Variants in ASTN2 observed in about 807,000 individuals in gnomAD.
The protein encoded by ASTN2 is astrotactin 2, also known as astrotactin-2.
A neutral mutation model predicts 139.8 loss-of-function variants in ASTN2; 54 were observed. That is an observed-to-expected ratio of 0.39 (90% CI 0.31 to 0.48). ASTN2 has a LOEUF of 0.48. ASTN2 is among the 20% of genes least tolerant of loss of function. The pLI, the probability that ASTN2 is intolerant of heterozygous loss-of-function variation, is 0.95. For synonymous variants in ASTN2, 756 were observed against 719.5 expected (o/e 1.05, Z -0.81); for missense variants, 1,565 against 1,725.1 (o/e 0.91, Z 1.64).
intron 17 of ASTN2, among the ~76,000 whole-genome samples, chr9:116,621,786 C>A (rs1856170201): frequency 6.6e-6 from 1 of 152,168 alleles, no homozygotes; most frequent in Admixed American, 6.5e-5. Context: ...TAATAGTTGG[C>A]AGTAAAGAGA....
Position 116,745,513 on chromosome 9 carries a change from C to G in ASTN2, c.2397-11990G>C, listed in dbSNP as rs543027223. ...TTGACTTTGGCTCTGATCTCAAGATCACCAACTCTGCTAGGTATGATTGTT... is the reference window on the plus strand; with the variant it reads ...TTGACTTTGGCTCTGATCTCAAGATGACCAACTCTGCTAGGTATGATTGTT... On this transcript the variant is annotated intron_variant, in intron 13 of 22. Transcript: ENST00000313400. Among the ~76,000 whole-genome samples the G allele has an allele frequency of 5.3e-5, 8 of 152,296 alleles. No individual in the cohort carries two copies. The South Asian group carries it at 1.7e-3, about 32-fold the overall frequency.
intron 13 of ASTN2, among the ~76,000 whole-genome samples, chr9:116,770,349 A>G (rs1039405577): frequency 4.6e-5 from 7 of 152,276 alleles, no homozygotes; most frequent in South Asian, 4.1e-4. Context: ...TTCCTCACCT[A>G]CATCTTCTAC....
In ASTN2 at chr9:116,651,747, G is replaced by A. The variant is rs1236963426; in HGVS notation, c.2853C>T (p.Phe951=). 3.7e-6 allele frequency: 6 copies of A among 1,614,176 alleles called. No individual in the cohort carries two copies. Among genetic ancestry groups the A allele is most frequent in the East Asian group, 2.2e-5 (1 of 44,870 alleles). Residue 951 remains phenylalanine, a synonymous_variant, in exon 17 of 23, where the codon TTC becomes TTT. Coordinates refer to ENST00000313400, the MANE Select transcript of ASTN2 (RefSeq NM_001365068.1). ...GSKKELKSMP[F]ITYLSGLLTA... ...TCAGCAAACCTGAGAGGTAGGTGAT[G>A]AAGGGCATGGACTTGAGCTCCTTCT...
At chr9:116,614,573 T>A (rs1387210492) in intron 19 of ASTN2, among the ~76,000 whole-genome samples, 1 of 152,004 alleles carries the variant, frequency 6.6e-6, no homozygotes, top group Non-Finnish European at 1.5e-5. Flanking sequence ...ATACCACACA[T>A]CTATAACCAT....
chr9:117,278,223 C>T (rs1834241322), intron 2 of ASTN2, among the ~76,000 whole-genome samples: 1 of 152,188 alleles, frequency 6.6e-6, no homozygotes. Flanking sequence ...TTGAGGAGAA[C>T]GTTCCAATTT....
intron 16 of ASTN2, among the ~76,000 whole-genome samples, chr9:116,683,381 T>C (rs1860007150): frequency 1.3e-5 from 2 of 152,186 alleles, no homozygotes; most frequent in African/African-American, 2.4e-5. Flanking sequence ...TTATAATTGT[T>C]ATATAAAAGT....
rs555838627 is a variant in ASTN2 at position 116,666,608 on chromosome 9, T to C, written c.2807-14815A>G. 8.7e-4 allele frequency among the ~76,000 whole-genome samples: 133 copies of C among 152,210 alleles called. 1 individual carries two copies. Among genetic ancestry groups the C allele is most frequent in the Non-Finnish European group, 1.5e-3 (100 of 68,034 alleles). On this transcript the variant is annotated intron_variant, in intron 16 of 22. Transcript: ENST00000313400. ...TACTTTTAAAATATTTTGATAGTTA[T>C]ATATTGACATAATTTCTTTCTTTTA...
intron 10 of ASTN2, among the ~76,000 whole-genome samples, chr9:116,953,285 G>A (rs908162629): frequency 1.2e-4 from 19 of 152,236 alleles, no homozygotes; most frequent in African/African-American, 3.1e-4. Context: ...CACAAAGAGA[G>A]GTTGTGTTAT....
chr9:117,376,108 T>C (rs1031533460), intron 1 of ASTN2, among the ~76,000 whole-genome samples: 7 of 152,088 alleles, frequency 4.6e-5, no homozygotes, highest in African/African-American at 1.4e-4. Flanking sequence ...CCATATGGCA[T>C]AGAATATTCA....
At chr9:117,177,030 G>A (rs1278858544) in intron 3 of ASTN2, among the ~76,000 whole-genome samples, 2 of 152,158 alleles carry the variant, frequency 1.3e-5, no homozygotes, top group Admixed American at 1.3e-4. Context: ...TGGAAAACTT[G>A]TTATAGTATT....
intron 1 of ASTN2, among the ~76,000 whole-genome samples, chr9:117,395,164 C>T (rs974694808): frequency 2.0e-5 from 3 of 152,144 alleles, no homozygotes; most frequent in African/African-American, 7.2e-5. Flanking sequence ...GAGGCAGAAT[C>T]ATCCAAGAAA....
chr9:117,188,170 GAGAGAGAGAGAGAGAGAGAGAGAC>G (rs1374752994), intron 3 of ASTN2, among the ~76,000 whole-genome samples: 10 of 123,774 alleles, frequency 8.1e-5, no homozygotes, highest in Admixed American at 6.7e-4. Context: ...GTGTGATAGA[GAGAGAGAGAGAGAGAGAGAGAGAC>G]AGAGAGAGAG....
chr9:116,697,905 A>G (rs758299221), intron 16 of ASTN2: 4 of 1,614,228 alleles, frequency 2.5e-6, no homozygotes, highest in Non-Finnish European at 3.4e-6. Context: ...ATTGGCCAGT[A>G]GCATCAATGG....
At chr9:117,312,624 G>T (rs767924472) in intron 1 of ASTN2, among the ~76,000 whole-genome samples, 1 of 152,124 alleles carries the variant, frequency 6.6e-6, no homozygotes, top group Non-Finnish European at 1.5e-5. Flanking sequence ...AAATGATAAG[G>T]ATGGCCCTGA....
intron 13 of ASTN2, among the ~76,000 whole-genome samples, chr9:116,738,548 G>T (rs957895267): frequency 2.0e-5 from 3 of 151,668 alleles, no homozygotes. Context: ...TAAAATCTCA[G>T]CAATCACCAC....
At chr9:116,607,240 A>G (rs958154014) in intron 19 of ASTN2, among the ~76,000 whole-genome samples, 4 of 152,226 alleles carry the variant, frequency 2.6e-5, no homozygotes, top group African/African-American at 9.6e-5. Flanking sequence ...TATGCAATTC[A>G]GTTCAGTGAA....
intron 11 of ASTN2, among the ~76,000 whole-genome samples, chr9:116,848,512 A>C (rs531520164): frequency 1.3e-5 from 2 of 152,344 alleles, no homozygotes; most frequent in East Asian, 3.9e-4. Flanking sequence ...GAGAATCTGA[A>C]GCGCAGCACG....
chr9:117,030,955 C>T lies in ASTN2; in HGVS notation c.1423+8864G>A, dbSNP rs922721355. 1.4e-4 allele frequency among the ~76,000 whole-genome samples: 22 copies of T among 152,218 alleles called. 1 individual carries two copies. Among genetic ancestry groups the T allele is most frequent in the Admixed American group, 2.0e-4 (3 of 15,282 alleles). ...CTTGCCTTCTCCCTGTACTCTCTCACGTATAGTTATTAAGTCTGGGTTGGA... is the reference window on the plus strand; with the variant it reads ...CTTGCCTTCTCCCTGTACTCTCTCATGTATAGTTATTAAGTCTGGGTTGGA... On this transcript the variant is annotated intron_variant, in intron 6 of 22. Transcript: ENST00000313400.
intron 11 of ASTN2, among the ~76,000 whole-genome samples, chr9:116,832,418 A>C (rs1311897158): frequency 6.6e-6 from 1 of 151,958 alleles, no homozygotes; most frequent in Non-Finnish European, 1.5e-5. Flanking sequence ...GGGCAGAGTG[A>C]ATCTGCTTTT....
Sources: gnomAD v4.1 joint callset for allele counts (sites outside exome capture counted in the v4.1 genomes callset) on GRCh38, gnomAD v4.1.1 for gene constraint, MANE v1.5 for transcripts, NCBI Gene and HGNC (gene_info 2026-07-23, HGNC 2026-07-21) for gene names.